MGAT1: variants seen among roughly 807,000 people sequenced by gnomAD.
MGAT1 encodes the protein N-glycosyl-oligosaccharide-glycoprotein N-acetylglucosaminyltransferase I.
A neutral mutation model predicts 31.7 loss-of-function variants in MGAT1; 14 were observed. The observed-to-expected ratio is 0.44, with a 90% CI of 0.29 to 0.69. The LOEUF is 0.69. MGAT1 is among the 30% of genes least tolerant of loss of function. The probability of loss-of-function intolerance (pLI) is 0.12; values close to 1 mark genes in which losing one functional copy is unlikely to be tolerated. For synonymous variants in MGAT1, 338 were observed against 276.0 expected (o/e 1.22, Z -2.23); for missense variants, 557 against 626.0 (o/e 0.89, Z 1.18).
At chr5:180,800,322 T>C (rs1017459625) in intron 1 of MGAT1, among the ~76,000 whole-genome samples, 1 of 152,224 alleles carries the variant, frequency 6.6e-6, no homozygotes, top group Non-Finnish European at 1.5e-5. Flanking sequence ...CTTAAAACAA[T>C]AGTTATCACT....
intron 1 of MGAT1, chr5:180,811,529 C>T (rs995524735): frequency 2.0e-5 from 3 of 151,532 alleles, no homozygotes; most frequent in African/African-American, 4.9e-5. Context: ...GCCAGCTTCA[C>T]TCTCTCACCC....
chr5:180,805,343 T>G (rs558986426), upstream of MGAT1, among the ~76,000 whole-genome samples: 6 of 152,362 alleles, frequency 3.9e-5, no homozygotes, highest in East Asian at 1.2e-3. Context: ...AAGTGAAAAC[T>G]GTTCCAGGAA....
At position 180,787,457 on chromosome 5, in the gene MGAT1, T is replaced by C. The variant is rs1767643743; in HGVS notation, c.*4177A>G. 6.6e-6 allele frequency: 1 copy of C among 152,258 alleles called. No homozygotes were observed. The highest frequency in any genetic ancestry group is 6.5e-5 in the Admixed American group (1 of 15,292). The allele number at this position is 152,258 out of a possible 1,614,324, so 9.4% of individuals were successfully genotyped here. ...CAAGCTTCTGTTCTATACATTTGTATGTTATTTAAAGTTACACAGCCAGAC... is the reference window on the plus strand; with the variant it reads ...CAAGCTTCTGTTCTATACATTTGTACGTTATTTAAAGTTACACAGCCAGAC... On this transcript the variant is annotated 3_prime_UTR_variant, in exon 2 of 2. Coordinates refer to ENST00000307826, the MANE Select transcript of MGAT1 (RefSeq NM_002406.4).
Position 180,792,379 on chromosome 5 carries a change from C to T in MGAT1, c.593G>A (p.Arg198Gln), listed in dbSNP as rs999546948. 5.6e-6 allele frequency: 9 copies of T among 1,610,870 alleles called. No homozygotes were observed. Among genetic ancestry groups the T allele is most frequent in the Admixed American group, 3.3e-5 (2 of 59,922 alleles). ...CACGGCCGCGGGGAAGCGAAACTGC[C>T]GGAAGACCTGGCCCAGCGCCCAGCG... is the stretch of plus-strand genomic sequence containing the variant. ...HYRWALGQVF[R>Q]QFRFPAAVVV... is the part of the protein sequence containing the mutation. The change falls in exon 2 of 2, where the codon CGG becomes CAG. Residue 198 changes from arginine to glutamine, a missense_variant. Around this residue, in one of 3 missense-constraint regions of MGAT1, gnomAD observed 245 missense variants for 332.9 expected, o/e 0.74. Coordinates refer to ENST00000307826, the MANE Select transcript of MGAT1 (RefSeq NM_002406.4).
intron 1 of MGAT1, chr5:180,809,567 A>C (rs1056626152): frequency 6.6e-6 from 1 of 151,918 alleles, no homozygotes; most frequent in Non-Finnish European, 1.5e-5. Context: ...TTCCACTTGC[A>C]TTCTTTGCTC....
Position 180,792,438 on chromosome 5 carries a change from C to T in MGAT1, c.534G>A (p.Lys178=). 1 of 1,612,156 alleles carries T rather than the reference C, an allele frequency of 6.2e-7. No individual in the cohort carries two copies. Among genetic ancestry groups the T allele is most frequent in the Non-Finnish European group, 8.5e-7 (1 of 1,179,216 alleles). Residue 178 remains lysine (K), a synonymous_variant, in exon 2 of 2, where the codon AAG becomes AAA. Coordinates refer to ENST00000307826, the MANE Select transcript of MGAT1 (RefSeq NM_002406.4). ...GCGCGATCTTGTAGTAGCCCTGGAA[C>T]TTGCGGTGGTCCGGCGGCACCGCAA... is the stretch of plus-strand genomic sequence containing the variant. The part of the protein sequence containing the change: ...SSIAVPPDHR[K]FQGYYKIARH...
At position 180,792,959 on chromosome 5, in the gene MGAT1, G is replaced by C. The variant is rs750356145; in HGVS notation, c.13C>G (p.Gln5Glu). Residue 5 changes from glutamine to glutamate, a missense_variant, in exon 2 of 2, where the codon CAG (glutamine) becomes GAG (glutamate). Gln to Glu is a conservative substitution (Grantham distance 29, BLOSUM62 2). Transcript: ENST00000307826. MLKK[Q>E]SAGLVLWGAI... ...CCCCACAGCACAAGCCCTGCAGACT[G>C]CTTCTTCAGCATCCTGGCCCCCACC... 1 of 1,613,370 alleles carries C rather than the reference G, an allele frequency of 6.2e-7. No homozygotes were observed. Among genetic ancestry groups the C allele is most frequent in the East Asian group, 2.2e-5 (1 of 44,852 alleles).
upstream of MGAT1, chr5:180,802,947 T>C (rs1322354151): frequency 1.5e-5 from 2 of 135,654 alleles, no homozygotes; most frequent in African/African-American, 2.8e-5. Flanking sequence ...CCCCTCCTCC[T>C]GGCCCGCCTC....
intron 1 of MGAT1, among the ~76,000 whole-genome samples, chr5:180,798,606 A>C (rs1049380119): frequency 6.6e-6 from 1 of 152,216 alleles, no homozygotes; most frequent in Non-Finnish European, 1.5e-5. Context: ...ACAGTTCCTC[A>C]ACTGTAACTG....
At chr5:180,805,093 C>A (rs1479707014), upstream of MGAT1, among the ~76,000 whole-genome samples, 1 of 151,948 alleles carries the variant, frequency 6.6e-6, no homozygotes, top group Non-Finnish European at 1.5e-5. Context: ...GCTCTGAGCT[C>A]TTGATAGAGG....
rs1371929175 is a variant in MGAT1 at position 180,792,117 on chromosome 5, C to T, written c.855G>A (p.Lys285=). 5.0e-6 allele frequency: 8 copies of T among 1,613,194 alleles called. No homozygotes were observed. The highest frequency in any genetic ancestry group is 1.7e-5 in the Admixed American group (1 of 60,008). The change falls in exon 2 of 2, where the codon AAG becomes AAA. Residue 285 remains lysine (K), a synonymous_variant. Transcript: ENST00000307826. ...GCCGCATCCAGTCGTCCCAGAAGGC[C>T]TTTGGCCACTTGGGCTCCAGCTCAG... ...LWAELEPKWP[K]AFWDDWMRRP...
At position 180,785,523 on chromosome 5, in the gene MGAT1, A is replaced by T. The variant is rs1053653283; in HGVS notation, c.*6111T>A. ...CGTGGGCCACTCCCCAGAACCCTCC[A>T]GCAAGGGGCTCAGGGTAGTCAGATG... On this transcript the variant is annotated 3_prime_UTR_variant, in exon 2 of 2. Coordinates refer to ENST00000307826, the MANE Select transcript of MGAT1 (RefSeq NM_002406.4). The T allele has an allele frequency of 3.9e-5, 6 of 152,264 alleles. No homozygotes were observed. The highest frequency in any genetic ancestry group is 1.4e-4 in the African/African-American group (6 of 41,458). 9.4% of individuals were successfully genotyped at this position (152,264 alleles called of 1,614,324 possible). A position where few individuals can be genotyped will look rare whatever the true frequency, so the allele number is the denominator to read the frequency against.
intron 1 of MGAT1, among the ~76,000 whole-genome samples, chr5:180,798,449 C>T (rs1581851664): frequency 6.6e-6 from 1 of 152,152 alleles, no homozygotes; most frequent in African/African-American, 2.4e-5. Flanking sequence ...TCACCAACAG[C>T]AACAAGCGCA....
upstream of MGAT1, chr5:180,815,614 C>T (rs1772820482): frequency 6.6e-6 from 1 of 152,204 alleles, no homozygotes; most frequent in East Asian, 1.9e-4. Context: ...CCAATACCCT[C>T]CTGAAACTCC....
chr5:180,791,181 A>C lies in MGAT1; in HGVS notation c.*453T>G. ...CCCTTTGGTTAGTATCATTTTGGCC[A>C]CAAATATGTCCCCTTCTCCCATAAC... On this transcript the variant is annotated 3_prime_UTR_variant, in exon 2 of 2. Transcript: ENST00000307826. The C allele has an allele frequency of 6.1e-6, 1 of 164,784 alleles. No individual in the cohort carries two copies. The highest frequency in any genetic ancestry group is 1.3e-5 in the Non-Finnish European group (1 of 76,454). 10.2% of individuals were successfully genotyped at this position (164,784 alleles called of 1,614,324 possible). A position where few individuals can be genotyped will look rare whatever the true frequency, so the allele number is the denominator to read the frequency against.
Position 180,791,864 on chromosome 5 carries a change from C to T in MGAT1, c.1108G>A (p.Val370Met). ...CGGTCATTGGTCCTCACTTTCTCCA[C>T]CTGCAGCTGGGGAGCACCGTAGACG... is the stretch of plus-strand genomic sequence containing the variant. ...ARVYGAPQLQ[V>M]EKVRTNDRKE... The change falls in exon 2 of 2, where the codon GTG (valine) becomes ATG (methionine). Residue 370 changes from valine to methionine, a missense_variant. By Grantham distance (21) the Val-to-Met change is conservative (BLOSUM62 1). Around this residue, in one of 3 missense-constraint regions of MGAT1, gnomAD observed 145 missense variants for 143.2 expected, o/e 1.01. Coordinates refer to ENST00000307826, the MANE Select transcript of MGAT1 (RefSeq NM_002406.4). 1.2e-6 allele frequency: 2 copies of T among 1,614,226 alleles called. No homozygotes were observed. Among genetic ancestry groups the T allele is most frequent in the Non-Finnish European group, 1.7e-6 (2 of 1,180,050 alleles).
upstream of MGAT1, chr5:180,803,580 A>G (rs928187403): frequency 2.0e-5 from 3 of 152,290 alleles, no homozygotes; most frequent in African/African-American, 4.8e-5. Flanking sequence ...GGAGGGAGGG[A>G]CAGCTCTTCC....
chr5:180,802,284 G>T (rs1581883020), intron 1 of MGAT1, among the ~76,000 whole-genome samples: 1 of 152,178 alleles, frequency 6.6e-6, no homozygotes, highest in East Asian at 1.9e-4. Flanking sequence ...CCTTTCTGCT[G>T]AGGAGAATCA....
In MGAT1 at chr5:180,788,273, C is replaced by T. The variant is rs1489175468; in HGVS notation, c.*3361G>A. 6.6e-6 allele frequency: 1 copy of T among 152,366 alleles called. No homozygotes were observed. The highest frequency in any genetic ancestry group is 2.4e-5 in the African/African-American group (1 of 41,444). The allele number at this position is 152,366 out of a possible 1,614,324, so 9.4% of individuals were successfully genotyped here. ...CTCCTTGCTTCAGGAGCCTGAGAAC[C>T]CAGTCTTTCGTCTTGTAAGGGGGTC... On this transcript the variant is annotated 3_prime_UTR_variant, in exon 2 of 2. Transcript: ENST00000307826.
Sources: gnomAD v4.1 joint callset for allele counts (sites outside exome capture counted in the v4.1 genomes callset) on GRCh38, gnomAD v4.1.1 for gene constraint, gnomAD v4.1.1 regional missense constraint, MANE v1.5 for transcripts, NCBI Gene and HGNC (gene_info 2026-07-23, HGNC 2026-07-21) for gene names.